Variants in PTPRZ1 observed in about 807,000 individuals in gnomAD.
The protein encoded by PTPRZ1 is protein tyrosine phosphatase receptor type Z1, also known as receptor-type tyrosine-protein phosphatase zeta.
Under a neutral mutation model 214.1 loss-of-function variants are expected in PTPRZ1, and 82 were observed. The ratio of observed to expected loss-of-function variants is 0.38; its 90% CI spans 0.32 to 0.46. The LOEUF is 0.46. Among genes scored for constraint, PTPRZ1 ranks in the 20% least tolerant of loss-of-function variants. The pLI is 1.00. For synonymous variants in PTPRZ1, 945 were observed against 987.9 expected (o/e 0.96, Z 0.81); for missense variants, 2,603 against 2,748.7 (o/e 0.95, Z 1.19).
At chr7:121,909,007 G>T (rs1054003549) in intron 1 of PTPRZ1, 5 of 510,084 alleles carry the variant, frequency 9.8e-6, no homozygotes, top group African/African-American at 1.9e-5. Flanking sequence ...CTGATTATTC[G>T]ATGTATTAGA....
intron 5 of PTPRZ1, 53 bp from the exon 6 acceptor site, chr7:121,976,732 A>C: frequency 7.4e-7 from 1 of 1,343,046 alleles, no homozygotes; most frequent in Non-Finnish European, 1.0e-6. Flanking sequence ...TTTTTATTGA[A>C]TAGTTATCCA....
chr7:122,008,864 T>C (rs1038908774), intron 11 of PTPRZ1, among the ~76,000 whole-genome samples: 1 of 152,110 alleles, frequency 6.6e-6, no homozygotes, highest in East Asian at 1.9e-4. Context: ...GAAGAGATAA[T>C]TGGCACCAAC....
intron 27 of PTPRZ1, among the ~76,000 whole-genome samples, chr7:122,057,645 CT>C (rs5887066): frequency 0.6 from 77,489 of 128,084 alleles, 22,358 homozygotes; most frequent in African/African-American, 0.81. Context: ...CTTTGTGATT[CT>C]TTTTTTTTTT....
At chr7:121,951,070 A>G (rs1409859226) in intron 2 of PTPRZ1, among the ~76,000 whole-genome samples, 1 of 152,248 alleles carries the variant, frequency 6.6e-6, no homozygotes, top group African/African-American at 2.4e-5. Flanking sequence ...ATTAGATTTT[A>G]GATCTGGAAG....
intron 1 of PTPRZ1, among the ~76,000 whole-genome samples, chr7:121,905,324 G>A (rs1488213834): frequency 6.6e-6 from 1 of 152,010 alleles, no homozygotes; most frequent in Non-Finnish European, 1.5e-5. Flanking sequence ...TTTTACCCCA[G>A]CATCCCTCAC....
chr7:121,923,004 A>C (rs1320896538), intron 1 of PTPRZ1, among the ~76,000 whole-genome samples: 1 of 152,186 alleles, frequency 6.6e-6, no homozygotes, highest in Non-Finnish European at 1.5e-5. Flanking sequence ...GTAAGAAGAG[A>C]GAGTAGGATG....
At chr7:121,878,071 C>T (rs1794116982) in intron 1 of PTPRZ1, among the ~76,000 whole-genome samples, 1 of 151,514 alleles carries the variant, frequency 6.6e-6, no homozygotes, top group Non-Finnish European at 1.5e-5. Flanking sequence ...AAAAGGAAAC[C>T]AATTTTTCTC....
intron 4 of PTPRZ1, among the ~76,000 whole-genome samples, chr7:121,973,449 G>C (rs926269633): frequency 1.3e-5 from 2 of 152,002 alleles, no homozygotes; most frequent in Non-Finnish European, 2.9e-5. Context: ...ACTGAGAGTG[G>C]AGTCTGAATC....
intron 13 of PTPRZ1, among the ~76,000 whole-genome samples, chr7:122,026,870 G>A (rs1327536796): frequency 6.6e-6 from 1 of 152,114 alleles, no homozygotes; most frequent in African/African-American, 2.4e-5. Context: ...CCTACTTATA[G>A]AAGTTCATTC....
At chr7:121,953,855 T>A (rs1796630796) in intron 2 of PTPRZ1, among the ~76,000 whole-genome samples, 1 of 152,080 alleles carries the variant, frequency 6.6e-6, no homozygotes, top group Non-Finnish European at 1.5e-5. Context: ...ACCTAATGCA[T>A]CATTGTACAA....
rs1472725543 is a variant in PTPRZ1 at position 122,012,136 on chromosome 7, A to G, written c.3090A>G (p.Thr1030=). Residue 1030 remains threonine (T), a synonymous_variant, in exon 12 of 30, where the codon ACA becomes ACG. Transcript: ENST00000393386. ...SPVSVAEFTY[T]TSVFGDDNKA... ...TTTCTGTAGCTGAATTTACATATAC[A>G]ACATCTGTGTTTGGTGATGATAATA... 6.2e-7 allele frequency: 1 copy of G among 1,613,912 alleles called. No individual in the cohort carries two copies. Among genetic ancestry groups the G allele is most frequent in the Admixed American group, 1.7e-5 (1 of 60,008 alleles).
At chr7:122,050,444 A>AGAGGGGCGGGGAAGGAAGGGGAGGG (rs1792138744) in intron 23 of PTPRZ1, among the ~76,000 whole-genome samples, 1 of 35,704 alleles carries the variant, frequency 2.8e-5, no homozygotes, top group Non-Finnish European at 5.2e-5. Context: ...GAAGGGGAGG[A>AGAGGGGCGGGGAAGGAAGGGGAGGG]GAGGGGAGGG....
rs1368565279 is a variant in PTPRZ1, at chr7:122,037,675, A to G, written c.5367+993A>G. The stretch of plus-strand genomic sequence containing the variant: ...TGGGTTTGTTACAGGCAACTGTTTC[A>G]TGCTTCCTGAGGAGGAAATATGCAT... On this transcript the variant is annotated intron_variant, in intron 18 of 29. Transcript: ENST00000393386. Among the ~76,000 whole-genome samples the G allele has an allele frequency of 2.6e-5, 4 of 152,328 alleles. No homozygotes were observed. In the East Asian group the frequency reaches 5.8e-4, roughly 22 times the overall value.
At chr7:121,915,378 C>T (rs1294621894) in intron 1 of PTPRZ1, among the ~76,000 whole-genome samples, 1 of 152,122 alleles carries the variant, frequency 6.6e-6, no homozygotes, top group Non-Finnish European at 1.5e-5. Context: ...GAATTTTATC[C>T]TCACAAGAAA....
intron 13 of PTPRZ1, among the ~76,000 whole-genome samples, chr7:122,025,330 CTTTTT>C (rs766588678): frequency 7.5e-6 from 1 of 132,876 alleles, no homozygotes. Flanking sequence ...CTTTTTTTTT[CTTTTT>C]TTTTTTTTTT....
At chr7:121,960,247 G>A (rs985856763) in intron 2 of PTPRZ1, among the ~76,000 whole-genome samples, 2 of 152,182 alleles carry the variant, frequency 1.3e-5, no homozygotes, top group Middle Eastern at 3.4e-3. Flanking sequence ...CACTATGTTG[G>A]CCAGGCTCGT....
At chr7:121,993,221 G>GA (rs1203554241) in intron 8 of PTPRZ1, among the ~76,000 whole-genome samples, 1 of 152,076 alleles carries the variant, frequency 6.6e-6, no homozygotes, top group East Asian at 1.9e-4. Context: ...TTTCAATCCA[G>GA]AAAATGTACT....
intron 1 of PTPRZ1, among the ~76,000 whole-genome samples, chr7:121,890,148 A>T (rs1217350555): frequency 1.3e-5 from 2 of 152,174 alleles, no homozygotes; most frequent in African/African-American, 4.8e-5. Flanking sequence ...CAGAAGTTGT[A>T]CCTGAACCCC....
chr7:121,954,486 T>C (rs565964372), intron 2 of PTPRZ1, among the ~76,000 whole-genome samples: 2 of 152,336 alleles, frequency 1.3e-5, no homozygotes, highest in South Asian at 4.1e-4. Context: ...TATTGAGACT[T>C]ATTTCAAGTA....
Sources: gnomAD v4.1 joint callset for allele counts (sites outside exome capture counted in the v4.1 genomes callset) on GRCh38, gnomAD v4.1.1 for gene constraint, MANE v1.5 for transcripts, NCBI Gene and HGNC (gene_info 2026-07-23, HGNC 2026-07-21) for gene names.